The following PRKD1 variants were observed in gnomAD, a reference collection of about 807,000 sequenced individuals.
PRKD1 encodes the protein protein kinase D1, also known as serine/threonine-protein kinase D1.
PRKD1 carries 63 observed loss-of-function variants against 95.9 expected under a neutral mutation model. The observed-to-expected ratio is 0.66, with a 90% CI of 0.54 to 0.81. The LOEUF is 0.81. Ranked by LOEUF, PRKD1 falls within the 30% of genes least tolerant of loss-of-function variation. The pLI is 0.00. For synonymous variants in PRKD1, 425 were observed against 423.1 expected, an observed-to-expected ratio of 1.00 and a Z score of -0.05; for missense variants, 1,048 against 1,165.3, an observed-to-expected ratio of 0.90 and a Z score of 1.47.
chr14:29,631,180 T>TA (rs922245250), intron 9 of PRKD1, among the ~76,000 whole-genome samples, 159 bp from the exon 10 acceptor site: 11 of 152,142 alleles, frequency 7.2e-5, no homozygotes, highest in East Asian at 1.9e-4. Flanking sequence ...TAAGCAAAAT[T>TA]AAAAAAAATA....
chr14:29,682,672 G>A (rs1485545942), intron 2 of PRKD1, among the ~76,000 whole-genome samples: 2 of 152,168 alleles, frequency 1.3e-5, no homozygotes, highest in Non-Finnish European at 2.9e-5. Context: ...AGTGCTCATG[G>A]AACTTAGGAC....
intron 9 of PRKD1, among the ~76,000 whole-genome samples, chr14:29,631,706 G>T (rs1203769482): frequency 1.3e-5 from 2 of 151,964 alleles, no homozygotes; most frequent in Non-Finnish European, 2.9e-5. Context: ...CAACATGTTG[G>T]CCAGCCTGGT....
intron 1 of PRKD1, among the ~76,000 whole-genome samples, chr14:29,921,120 A>C (rs982827836): frequency 2.0e-5 from 3 of 152,226 alleles, no homozygotes; most frequent in Non-Finnish European, 4.4e-5. Context: ...TTGCACTTGT[A>C]ATTGAAAAGG....
At chr14:29,695,314 G>C (rs1884454519) in intron 2 of PRKD1, among the ~76,000 whole-genome samples, 1 of 151,612 alleles carries the variant, frequency 6.6e-6, no homozygotes, top group Admixed American at 6.6e-5. Flanking sequence ...TTGAACAAAA[G>C]AGTGATATGA....
intron 1 of PRKD1, among the ~76,000 whole-genome samples, chr14:29,764,588 A>G (rs1454493071): frequency 6.6e-6 from 1 of 152,158 alleles, no homozygotes; most frequent in Non-Finnish European, 1.5e-5. Flanking sequence ...GGTGCCTTGT[A>G]GCTGCATCCT....
chr14:29,863,079 A>G (rs1006772191), intron 1 of PRKD1, among the ~76,000 whole-genome samples: 2 of 152,206 alleles, frequency 1.3e-5, no homozygotes, highest in Non-Finnish European at 2.9e-5. Context: ...TTCTTACTGA[A>G]TGGCTGTAGC....
chr14:29,879,317 GC>G (rs1384921084), intron 1 of PRKD1, among the ~76,000 whole-genome samples: 1 of 152,230 alleles, frequency 6.6e-6, no homozygotes. Context: ...AATCCTGGGG[GC>G]CGGTCTCTCC....
intron 1 of PRKD1, among the ~76,000 whole-genome samples, chr14:29,867,803 T>G (rs2139371478): frequency 6.6e-6 from 1 of 151,890 alleles, no homozygotes; most frequent in East Asian, 1.9e-4. Flanking sequence ...GATGATGGAG[T>G]TAATGAATAA....
At chr14:29,812,785 A>C (rs1439456154) in intron 1 of PRKD1, among the ~76,000 whole-genome samples, 1 of 152,212 alleles carries the variant, frequency 6.6e-6, no homozygotes, top group Non-Finnish European at 1.5e-5. Context: ...ACACAGAGCC[A>C]AACCATATCA....
chr14:29,673,409 T>G (rs528072079), intron 2 of PRKD1, among the ~76,000 whole-genome samples: 2 of 152,320 alleles, frequency 1.3e-5, no homozygotes, highest in Admixed American at 6.5e-5. Flanking sequence ...GCATACATAC[T>G]TCTCAGGCAG....
intron 16 of PRKD1, among the ~76,000 whole-genome samples, chr14:29,597,027 A>G (rs1594348367): frequency 6.6e-6 from 1 of 152,290 alleles, no homozygotes; most frequent in South Asian, 2.1e-4. Flanking sequence ...GGGAATGGCC[A>G]AGTAAAATAT....
At chr14:29,893,770 T>A (rs1013555133) in intron 1 of PRKD1, among the ~76,000 whole-genome samples, 1 of 152,150 alleles carries the variant, frequency 6.6e-6, no homozygotes, top group African/African-American at 2.4e-5. Context: ...GTTCTAATTT[T>A]CAGTTCTAAG....
intron 2 of PRKD1, 69 bp from the exon 3 acceptor site, chr14:29,666,277 G>A: frequency 6.7e-7 from 1 of 1,483,242 alleles, no homozygotes; most frequent in Non-Finnish European, 9.2e-7. Flanking sequence ...AAGTATGCAA[G>A]ATAATAAATA....
intron 1 of PRKD1, among the ~76,000 whole-genome samples, chr14:29,838,424 A>G (rs1002242453): frequency 6.6e-6 from 1 of 152,204 alleles, no homozygotes; most frequent in Non-Finnish European, 1.5e-5. Context: ...GATAGAATTG[A>G]GGCCCCCTGT....
chr14:29,829,905 C>T (rs762339316), intron 1 of PRKD1, among the ~76,000 whole-genome samples: 12 of 152,222 alleles, frequency 7.9e-5, no homozygotes, highest in East Asian at 7.7e-4. Context: ...ATTTCCTCTA[C>T]GCTGACAGAT....
intron 1 of PRKD1, among the ~76,000 whole-genome samples, chr14:29,890,867 A>AGTTAAT (rs898878799): frequency 3.3e-5 from 5 of 152,210 alleles, no homozygotes; most frequent in African/African-American, 1.2e-4. Flanking sequence ...GTTGAATGAA[A>AGTTAAT]GTTAATGTTA....
intron 1 of PRKD1, among the ~76,000 whole-genome samples, chr14:29,830,840 G>A (rs1891378815): frequency 6.6e-6 from 1 of 151,934 alleles, no homozygotes. Flanking sequence ...CTACATGCAA[G>A]TGCCACCACG....
At position 29,676,176 on chromosome 14, in the gene PRKD1, C is replaced by CTTTTTTTTTTTTTT. The variant is rs1566532166; in HGVS notation, c.404-9969_404-9968insAAAAAAAAAAAAAA. Among the ~76,000 whole-genome samples, 9 of 62,240 alleles carry CTTTTTTTTTTTTTT rather than the reference C, an allele frequency of 1.4e-4. 1 individual carries two copies. Among genetic ancestry groups the CTTTTTTTTTTTTTT allele is most frequent in the African/African-American group, 8.3e-4 (9 of 10,810 alleles). The allele number at this position is 62,240 out of a possible 152,430, so 40.8% of individuals were successfully genotyped here. On this transcript the variant is annotated intron_variant, in intron 2 of 17. Coordinates refer to ENST00000331968, the MANE Select transcript of PRKD1 (RefSeq NM_002742.3). ...TGCTGTAGGCATGCATAGTTCATTA[C>CTTTTTTTTTTTTTT]GTTTTTGTTTTTTTTTTTTTTTTTT... is the stretch of plus-strand genomic sequence containing the variant.
chr14:29,716,323 C>T (rs933562183), intron 2 of PRKD1, among the ~76,000 whole-genome samples: 4 of 152,120 alleles, frequency 2.6e-5, no homozygotes, highest in Non-Finnish European at 4.4e-5. Flanking sequence ...ATGAAAACCA[C>T]GGTATGTATT....
Sources: gnomAD v4.1 joint callset for allele counts (sites outside exome capture counted in the v4.1 genomes callset) on GRCh38, gnomAD v4.1.1 for gene constraint, MANE v1.5 for transcripts, NCBI Gene and HGNC (gene_info 2026-07-23, HGNC 2026-07-21) for gene names.